The following CTBP1 variants were observed in gnomAD, a reference collection of about 807,000 sequenced individuals.
CTBP1 encodes C-terminal binding protein 1.
CTBP1 carries 11 observed loss-of-function variants against 42.1 expected under a neutral mutation model. That is an observed-to-expected ratio of 0.26 (90% CI 0.16 to 0.43). The LOEUF is 0.43. Among genes scored for constraint, CTBP1 ranks in the 20% least tolerant of loss-of-function variants. CTBP1 has a pLI of 1.00. For missense variants in CTBP1, 399 were observed against 624.3 expected (o/e 0.64, Z 3.85); for synonymous variants, 324 against 277.1 (o/e 1.17, Z -1.68).
intron 3 of CTBP1, chr4:1,236,544 C>A (rs1456447695): frequency 2.3e-5 from 15 of 638,396 alleles, no homozygotes; most frequent in African/African-American, 2.3e-4. Flanking sequence ...GTGTCCACCT[C>A]CTGATGGGGC....
intron 1 of CTBP1, among the ~76,000 whole-genome samples, chr4:1,247,627 G>A (rs1354751628): frequency 6.6e-6 from 1 of 152,196 alleles, no homozygotes; most frequent in East Asian, 1.9e-4. Context: ...GCTGCAGACG[G>A]GTACACAGAC....
intron 1 of CTBP1, chr4:1,243,310 G>A: frequency 4.1e-6 from 4 of 985,432 alleles, no homozygotes; most frequent in Non-Finnish European, 4.8e-6. Context: ...AAAGGACCCT[G>A]CAGTGAGGAG....
chr4:1,225,621 G>A, intron 4 of CTBP1, 55 bp from the exon 5 acceptor site: 3 of 1,493,032 alleles, frequency 2.0e-6, no homozygotes, highest in Non-Finnish European at 2.7e-6. Flanking sequence ...CCTCCGGGAG[G>A]ACACCGGGGC....
In CTBP1 at chr4:1,241,375, T is replaced by C. The variant is rs1056256341; in HGVS notation, c.-44A>G. On this transcript the variant is annotated 5_prime_UTR_variant, in exon 2 of 10. Transcript: ENST00000382952. The stretch of plus-strand genomic sequence containing the variant: ...CTTCCACGACCATGAATTCGACTTT[T>C]CAAAGCTTTTTATCTTCAGGATCCC... The C allele has an allele frequency of 8.9e-7, 1 of 1,117,746 alleles. No homozygotes were observed. The highest frequency in any genetic ancestry group is 1.4e-6 in the Non-Finnish European group (1 of 726,226). The allele number at this position is 1,117,746 out of a possible 1,614,324, so 69.2% of individuals were successfully genotyped here. A position where few individuals can be genotyped will look rare whatever the true frequency, so the allele number is the denominator to read the frequency against.
At chr4:1,221,545 G>T (rs1001420499) in intron 5 of CTBP1, 1 of 168,536 alleles carries the variant, frequency 5.9e-6, no homozygotes, top group Non-Finnish European at 1.3e-5. Flanking sequence ...CTGTGTTCAC[G>T]TGATGGAACC....
rs560437473 is a variant in CTBP1 at position 1,238,013 on chromosome 4, C to A, written c.162+170G>T. 22 of 854,602 alleles carry A rather than the reference C, an allele frequency of 2.6e-5. No individual in the cohort carries two copies. Among genetic ancestry groups the A allele is most frequent in the South Asian group, 1.1e-4 (8 of 72,830 alleles). 52.9% of individuals were successfully genotyped at this position (854,602 alleles called of 1,614,324 possible). A position where few individuals can be genotyped will look rare whatever the true frequency, so the allele number is the denominator to read the frequency against. On this transcript the variant is annotated intron_variant, in intron 3 of 9. Transcript: ENST00000382952. This position sits in a 1 kb window ranked among gnomAD's most constrained non-coding sequence, Gnocchi z 5.9. ...CCCGATGTCCACCTCCTGATGGTGT[C>A]CAGGGAAAACCCCGTGTCCACCTCC...
intron 3 of CTBP1, among the ~76,000 whole-genome samples, chr4:1,234,074 C>T (rs907859464): frequency 6.6e-6 from 1 of 152,220 alleles, no homozygotes; most frequent in African/African-American, 2.4e-5. Context: ...CTGCTCCCCT[C>T]TGTTCTGGAG....
Position 1,233,042 on chromosome 4 carries a change from A to C in CTBP1, c.163-4699T>G, listed in dbSNP as rs1218581130. 1.3e-5 allele frequency: 2 copies of C among 152,462 alleles called. No homozygotes were observed. The highest frequency in any genetic ancestry group is 1.3e-4 in the Admixed American group (2 of 15,266). 9.4% of individuals were successfully genotyped at this position (152,462 alleles called of 1,614,324 possible). On this transcript the variant is annotated intron_variant, in intron 3 of 9. Coordinates refer to ENST00000382952, the MANE Select transcript of CTBP1 (RefSeq NM_001012614.2). This position sits in a 1 kb window ranked among gnomAD's most constrained non-coding sequence, Gnocchi z 4.6. ...TCTGGACATGCCCTGCGGGGGTCGC[A>C]CTGCACCCGAGGCTCAGCTGGGCAC...
At chr4:1,244,597 ATCT>A (rs767714211) in intron 1 of CTBP1, 163 of 984,622 alleles carry the variant, frequency 1.7e-4, no homozygotes, top group Admixed American at 1.8e-4. Context: ...CACCAACCCC[ATCT>A]TCTTCCCCCT....
At chr4:1,244,812 C>T in intron 1 of CTBP1, 1 of 985,436 alleles carries the variant, frequency 1.0e-6, no homozygotes, top group East Asian at 1.1e-4. Context: ...TGAGATGCCC[C>T]CTCTGGCTGT....
chr4:1,214,270 G>GC (rs769217077), intron 7 of CTBP1, 73 bp downstream of exon 7: 1 of 1,449,804 alleles, frequency 6.9e-7, no homozygotes, highest in South Asian at 1.5e-5. Context: ...TGGCAGAGGC[G>GC]CCGTCTGGAG....
chr4:1,232,480 T>C (rs759557979), intron 3 of CTBP1, among the ~76,000 whole-genome samples: 6 of 151,888 alleles, frequency 4.0e-5, no homozygotes, highest in Non-Finnish European at 7.4e-5. Flanking sequence ...CGTGGCTAAT[T>C]TCTATATTTT....
chr4:1,233,567 A>C lies in CTBP1; in HGVS notation c.162+4616T>G, dbSNP rs974828679. Among the ~76,000 whole-genome samples, 1 of 152,064 alleles carries C rather than the reference A, an allele frequency of 6.6e-6. No homozygotes were observed. Among genetic ancestry groups the C allele is most frequent in the Non-Finnish European group, 1.5e-5 (1 of 68,004 alleles). On this transcript the variant is annotated intron_variant, in intron 3 of 9. Coordinates refer to ENST00000382952, the MANE Select transcript of CTBP1 (RefSeq NM_001012614.2). This position sits in a 1 kb window ranked among gnomAD's most constrained non-coding sequence, Gnocchi z 4.6. ...TGCTCAGCAGTTTGATCAGATGTGC[A>C]GTGCTGGGCTGAAAACCCTTCTCCT...
chr4:1,211,721 T>G lies in CTBP1; in HGVS notation c.*519A>C, dbSNP rs924270159. On this transcript the variant is annotated 3_prime_UTR_variant, in exon 10 of 10. Transcript: ENST00000382952. ...TGCCAAAATTAGGAAAAACAGCCTT[T>G]GTTTTGTTTTTCTAAATTATTCTAA... 6.6e-6 allele frequency: 1 copy of G among 152,242 alleles called. No homozygotes were observed. The highest frequency in any genetic ancestry group is 2.4e-5 in the African/African-American group (1 of 41,450). 9.4% of individuals were successfully genotyped at this position (152,242 alleles called of 1,614,324 possible). A position where few individuals can be genotyped will look rare whatever the true frequency, so the allele number is the denominator to read the frequency against.
chr4:1,243,606 C>G, intron 1 of CTBP1: 1 of 985,442 alleles, frequency 1.0e-6, no homozygotes, highest in Non-Finnish European at 1.2e-6. Context: ...GCCACACCTG[C>G]CCCACTGAGA....
chr4:1,228,930 C>T (rs1001251376), intron 3 of CTBP1, among the ~76,000 whole-genome samples: 1 of 152,250 alleles, frequency 6.6e-6, no homozygotes, highest in Non-Finnish European at 1.5e-5. Context: ...GCCCAAGAAC[C>T]TGCCCAGAAA....
chr4:1,237,255 G>A (rs1314088739), intron 3 of CTBP1: 9 of 453,450 alleles, frequency 2.0e-5, no homozygotes, highest in South Asian at 9.2e-5. Flanking sequence ...AGGACAAACC[G>A]AGTGTCCACC....
intron 3 of CTBP1, among the ~76,000 whole-genome samples, chr4:1,229,608 G>A (rs909676608): frequency 4.7e-4 from 72 of 152,218 alleles, no homozygotes; most frequent in African/African-American, 1.7e-3. Context: ...TGTGGATCCC[G>A]GGCGGCAGTG....
chr4:1,244,832 G>A (rs1390644806), intron 1 of CTBP1: 17 of 985,314 alleles, frequency 1.7e-5, no homozygotes, highest in Non-Finnish European at 1.9e-5. Flanking sequence ...TCCAGGCCTG[G>A]AGGCCCAAAG....
Sources: allele counts gnomAD v4.1 joint callset (sites outside exome capture counted in the v4.1 genomes callset), GRCh38; gene constraint gnomAD v4.1.1; non-coding constraint Gnocchi (gnomAD v3.1); transcripts MANE v1.5; gene names NCBI Gene and HGNC (gene_info 2026-07-23, HGNC 2026-07-21).